Variants in FSIP1 observed in about 807,000 individuals in gnomAD.
FSIP1 encodes fibrous sheath interacting protein 1, also known as fibrous sheath-interacting protein 1.
FSIP1 carries 65 observed loss-of-function variants against 60.9 expected under a neutral mutation model. The ratio of observed to expected loss-of-function variants is 1.07; its 90% CI spans 0.87 to 1.31. The LOEUF is 1.31. Ranked by LOEUF, FSIP1 falls within the 40% of genes most tolerant of loss-of-function variation. The pLI is 0.00. For missense variants in FSIP1, 675 were observed against 665.5 expected (o/e 1.01, Z -0.16); for synonymous variants, 209 against 221.2 (o/e 0.94, Z 0.49).
At position 39,713,399 on chromosome 15, in the gene FSIP1, T is replaced by C. The variant is rs753112409; in HGVS notation, c.1188+45A>G. 2.6e-6 allele frequency: 4 copies of C among 1,544,292 alleles called. No individual in the cohort carries two copies. The South Asian group carries it at 4.9e-5, about 19-fold the overall frequency. On this transcript the variant is annotated intron_variant, in intron 10 of 11. Coordinates refer to ENST00000350221, the MANE Select transcript of FSIP1 (RefSeq NM_152597.5). ...CTGGGCAACATAGTGAGAACCTGCC[T>C]CTATTTTTTTCTTAAAAAAAATTAA...
Position 39,720,768 on chromosome 15 carries a change from G to A in FSIP1, c.1050+5821C>T, listed in dbSNP as rs956211415. On this transcript the variant is annotated intron_variant, in intron 9 of 11. Coordinates refer to ENST00000350221, the MANE Select transcript of FSIP1 (RefSeq NM_152597.5). ...AGTTTTATGGTGGGATTTACAATAC[G>A]TGGAAAGAACGAACTGATTTGTTGA... Among the ~76,000 whole-genome samples the A allele has an allele frequency of 9.2e-5, 14 of 152,256 alleles. No homozygotes were observed. In the East Asian group the frequency reaches 1.2e-3, roughly 13 times the overall value.
At chr15:39,687,951 G>A (rs1037753890) in intron 10 of FSIP1, among the ~76,000 whole-genome samples, 8 of 152,054 alleles carry the variant, frequency 5.3e-5, no homozygotes, top group Admixed American at 1.3e-4. Flanking sequence ...CCCAAAATTT[G>A]GAACCAAACC....
intron 1 of FSIP1, among the ~76,000 whole-genome samples, chr15:39,782,137 A>G (rs1898288947): frequency 6.6e-6 from 1 of 152,236 alleles, no homozygotes; most frequent in South Asian, 2.1e-4. Context: ...TACTTCCCCT[A>G]CACTGGGCTG....
chr15:39,669,453 G>T (rs760474389), intron 10 of FSIP1, among the ~76,000 whole-genome samples: 4 of 152,178 alleles, frequency 2.6e-5, no homozygotes, highest in Non-Finnish European at 5.9e-5. Context: ...TTACTTTGGA[G>T]ATATTAACTA....
chr15:39,689,346 T>C (rs773401238), intron 10 of FSIP1, among the ~76,000 whole-genome samples: 1 of 152,170 alleles, frequency 6.6e-6, no homozygotes, highest in Non-Finnish European at 1.5e-5. Context: ...CATGATTGAT[T>C]AATTCTTTGG....
At chr15:39,745,933 G>A (rs1271885601) in intron 5 of FSIP1, among the ~76,000 whole-genome samples, 2 of 152,040 alleles carry the variant, frequency 1.3e-5, no homozygotes, top group Non-Finnish European at 2.9e-5. Context: ...TTAAACATTA[G>A]CCGGGCATGG....
At chr15:39,672,735 A>G (rs1332454080) in intron 10 of FSIP1, among the ~76,000 whole-genome samples, 1 of 152,244 alleles carries the variant, frequency 6.6e-6, no homozygotes, top group Non-Finnish European at 1.5e-5. Context: ...TGAAGACCAC[A>G]TAGCTGGTAA....
chr15:39,781,342 G>C (rs1021410343), intron 1 of FSIP1, among the ~76,000 whole-genome samples: 1 of 152,208 alleles, frequency 6.6e-6, no homozygotes, highest in South Asian at 2.1e-4. Context: ...CAAAGTTGGA[G>C]AGCAACTGTA....
rs772046954 is a variant in FSIP1, at chr15:39,618,097, C to T, written c.1337G>A (p.Arg446Lys). 7.4e-6 allele frequency: 12 copies of T among 1,614,030 alleles called. No individual in the cohort carries two copies. Among genetic ancestry groups the T allele is most frequent in the Middle Eastern group, 1.6e-4 (1 of 6,084 alleles). Reference protein sequence around the residue: ...DVTPVFPQLSRSIISKLLNES... With the variant: ...DVTPVFPQLSKSIISKLLNES... ...ATTTAGCAATTTAGAGATGATGGACCTGGAAAGCTGGGGGAACACAGGTGT... is the reference window on the plus strand; with the variant it reads ...ATTTAGCAATTTAGAGATGATGGACTTGGAAAGCTGGGGGAACACAGGTGT... The change falls in exon 11 of 12, where the codon AGG becomes AAG. Residue 446 changes from arginine (R) to lysine (K), a missense_variant. Arg to Lys is a conservative substitution (Grantham distance 26). Coordinates refer to ENST00000350221, the MANE Select transcript of FSIP1 (RefSeq NM_152597.5).
intron 10 of FSIP1, among the ~76,000 whole-genome samples, chr15:39,706,774 A>T (rs957524931): frequency 6.6e-6 from 1 of 152,160 alleles, no homozygotes; most frequent in Non-Finnish European, 1.5e-5. Flanking sequence ...AATTACTGTT[A>T]AGCATTTGGT....
intron 11 of FSIP1, among the ~76,000 whole-genome samples, chr15:39,609,077 T>C (rs1255906493): frequency 8.5e-5 from 13 of 152,102 alleles, no homozygotes. Context: ...AGCCCACTCA[T>C]TATTATCTCC....
At chr15:39,604,053 T>A (rs963167625) in intron 11 of FSIP1, among the ~76,000 whole-genome samples, 1 of 152,196 alleles carries the variant, frequency 6.6e-6, no homozygotes. Flanking sequence ...TGCCTCAGCC[T>A]CCCAAGTAGC....
At position 39,618,295 on chromosome 15, in the gene FSIP1, A is replaced by G. The variant is rs116453711; in HGVS notation, c.1189-50T>C. 2,694 of 1,475,698 alleles carry G rather than the reference A, an allele frequency of 1.8e-3. 44 individuals are homozygous for G. In the African/African-American group the frequency reaches 0.034, roughly 19 times the overall value. 91.4% of individuals were successfully genotyped at this position (1,475,698 alleles called of 1,614,324 possible). A position where few individuals can be genotyped will look rare whatever the true frequency, so the allele number is the denominator to read the frequency against. ...CATAGTCAGTTGACTGAGTAAACACATTTATTTTTGGTAGGCATCCAGTAA... is the reference window on the plus strand; with the variant it reads ...CATAGTCAGTTGACTGAGTAAACACGTTTATTTTTGGTAGGCATCCAGTAA... On this transcript the variant is annotated intron_variant, in intron 10 of 11. Coordinates refer to ENST00000350221, the MANE Select transcript of FSIP1 (RefSeq NM_152597.5).
chr15:39,628,345 G>C (rs1435294638), intron 10 of FSIP1, among the ~76,000 whole-genome samples: 1 of 152,322 alleles, frequency 6.6e-6, no homozygotes, highest in Middle Eastern at 3.4e-3. Flanking sequence ...CAAGCATGAG[G>C]TATAAAAGAG....
intron 1 of FSIP1, among the ~76,000 whole-genome samples, chr15:39,778,068 C>G (rs925064339): frequency 2.0e-5 from 3 of 152,158 alleles, no homozygotes; most frequent in Non-Finnish European, 4.4e-5. Flanking sequence ...ATGAAAAAAG[C>G]ATTGATCTCA....
rs781582507 is a variant in FSIP1 at position 39,726,667 on chromosome 15, A to G, written c.972T>C (p.Asp324=). The G allele has an allele frequency of 1.2e-6, 2 of 1,613,958 alleles. No homozygotes were observed. Among genetic ancestry groups the G allele is most frequent in the African/African-American group, 1.3e-5 (1 of 74,914 alleles). ...CTGCAGAGAGTTCTTGGAGTTTTAT[A>G]TCAATTTCAGCAAGCTGCTGATGCT... The part of the protein sequence containing the change: ...VTQHQQLAEI[D]IKLQELSAAS... Residue 324 remains aspartate, a synonymous_variant, in exon 9 of 12, where the codon GAT becomes GAC. Coordinates refer to ENST00000350221, the MANE Select transcript of FSIP1 (RefSeq NM_152597.5).
chr15:39,760,656 A>T (rs1230656994), intron 5 of FSIP1, among the ~76,000 whole-genome samples: 1 of 152,186 alleles, frequency 6.6e-6, no homozygotes, highest in South Asian at 2.1e-4. Flanking sequence ...AGACTGAGGA[A>T]CTATCACAGA....
intron 10 of FSIP1, among the ~76,000 whole-genome samples, chr15:39,653,423 T>C (rs965782468): frequency 7.2e-5 from 11 of 152,198 alleles, no homozygotes; most frequent in Non-Finnish European, 1.5e-4. Flanking sequence ...TTCTAAACTT[T>C]TAAATTTTTT....
At chr15:39,695,908 T>C (rs547698721) in intron 10 of FSIP1, among the ~76,000 whole-genome samples, 2 of 152,352 alleles carry the variant, frequency 1.3e-5, no homozygotes, top group South Asian at 4.1e-4. Flanking sequence ...AAACCTTAGA[T>C]ACTAAGAAAT....
Sources: gnomAD v4.1 joint callset for allele counts (sites outside exome capture counted in the v4.1 genomes callset) on GRCh38, gnomAD v4.1.1 for gene constraint, MANE v1.5 for transcripts, NCBI Gene and HGNC (gene_info 2026-07-23, HGNC 2026-07-21) for gene names.